Variants in ZHX3 observed in about 807,000 individuals in gnomAD.
The protein encoded by ZHX3 is zinc fingers and homeoboxes 3.
ZHX3 carries 20 observed loss-of-function variants against 64.5 expected under a neutral mutation model. The ratio of observed to expected loss-of-function variants is 0.31; its 90% CI spans 0.22 to 0.45. The LOEUF (loss-of-function observed/expected upper bound fraction) is 0.45, where lower values mean the gene tolerates loss of function less well. ZHX3 is among the 20% of genes least tolerant of loss of function. ZHX3 has a pLI of 1.00. For synonymous variants in ZHX3, 423 were observed against 461.6 expected, an observed-to-expected ratio of 0.92 and a Z score of 1.07; for missense variants, 1,041 against 1,195.8, an observed-to-expected ratio of 0.87 and a Z score of 1.91.
intron 1 of ZHX3, among the ~76,000 whole-genome samples, chr20:41,287,441 C>T (rs533864695): frequency 3.5e-4 from 54 of 152,276 alleles, no homozygotes; most frequent in Admixed American, 1.8e-3. Flanking sequence ...GGTATTCATG[C>T]TTTTGTGAAA....
intron 1 of ZHX3, among the ~76,000 whole-genome samples, chr20:41,315,718 T>C (rs1162714635): frequency 1.3e-5 from 2 of 152,120 alleles, no homozygotes; most frequent in East Asian, 1.9e-4. Flanking sequence ...AATCTAGTTA[T>C]AAGTCAAAGA....
chr20:41,213,959 C>G (rs1296754195), intron 2 of ZHX3: 1 of 152,184 alleles, frequency 6.6e-6, no homozygotes, highest in Non-Finnish European at 1.5e-5. Context: ...CCTGTAGTCT[C>G]AGCTACTCAG....
At chr20:41,307,768 G>T (rs1197677565) in intron 1 of ZHX3, among the ~76,000 whole-genome samples, 1 of 152,084 alleles carries the variant, frequency 6.6e-6, no homozygotes, top group Non-Finnish European at 1.5e-5. Context: ...TTCCCTTAAA[G>T]CAACCTCCAA....
chr20:41,238,552 T>C lies in ZHX3; in HGVS notation c.-151+30438A>G, dbSNP rs537240181. The C allele has an allele frequency of 7.6e-4, 116 of 152,340 alleles. 2 individuals carry two copies. The highest frequency in any genetic ancestry group is 2.7e-3 in the African/African-American group (114 of 41,576). 9.4% of individuals were successfully genotyped at this position (152,340 alleles called of 1,614,324 possible). A position where few individuals can be genotyped will look rare whatever the true frequency, so the allele number is the denominator to read the frequency against. ...ACAAATTTACATGATGCTTCTAACA[T>C]CTGCTCATTGTGAAAAATGCAGGAT... is the stretch of plus-strand genomic sequence containing the variant. On this transcript the variant is annotated intron_variant, in intron 2 of 3. Transcript: ENST00000683867.
chr20:41,218,720 G>A (rs1443829364), intron 2 of ZHX3, among the ~76,000 whole-genome samples: 1 of 152,132 alleles, frequency 6.6e-6, no homozygotes, highest in Non-Finnish European at 1.5e-5. Flanking sequence ...GGTTGCAATT[G>A]TCAGATTTCT....
chr20:41,221,940 G>C (rs1273846864), intron 2 of ZHX3, among the ~76,000 whole-genome samples: 2 of 152,224 alleles, frequency 1.3e-5, no homozygotes, highest in African/African-American at 4.8e-5. Context: ...AGGGGGCAGG[G>C]AGGGGATCCA....
intron 1 of ZHX3, among the ~76,000 whole-genome samples, chr20:41,307,798 T>A (rs115733811): frequency 0.014 from 2,195 of 152,254 alleles, 53 homozygotes; most frequent in African/African-American, 0.049. Flanking sequence ...GCCACCTCCA[T>A]CCACCACTAG....
chr20:41,260,737 CACT>C (rs2146563222), intron 2 of ZHX3, among the ~76,000 whole-genome samples: 1 of 152,360 alleles, frequency 6.6e-6, no homozygotes, highest in South Asian at 2.1e-4. Flanking sequence ...TCTTTCTAAG[CACT>C]ACAAGTGGTA....
Position 41,204,059 on chromosome 20 carries a change from G to A in ZHX3, c.858C>T (p.Val286=). 2 of 1,613,238 alleles carry A rather than the reference G, an allele frequency of 1.2e-6. No individual in the cohort carries two copies. Among genetic ancestry groups the A allele is most frequent in the Non-Finnish European group, 1.7e-6 (2 of 1,179,464 alleles). Residue 286 remains valine, a synonymous_variant, in exon 3 of 4, where the codon GTC becomes GTT. Transcript: ENST00000683867. The surrounding 1 kb of genome is among the most constrained non-coding windows in gnomAD (Gnocchi z 6.6). ...CCTTGGCCGTGGGCAGTGGCTGGTGGACATGGTGTTGGGCATGCACTGGGG... is the reference window on the plus strand; with the variant it reads ...CCTTGGCCGTGGGCAGTGGCTGGTGAACATGGTGTTGGGCATGCACTGGGG... ...QQPPVHAQHH[V]HQPLPTAKAL...
intron 2 of ZHX3, among the ~76,000 whole-genome samples, chr20:41,237,445 G>C (rs1433093929): frequency 6.6e-6 from 1 of 152,180 alleles, no homozygotes; most frequent in Non-Finnish European, 1.5e-5. Flanking sequence ...AAAAAATGAT[G>C]AGTTCATGTC....
At chr20:41,266,547 C>CTT (rs56086714) in intron 2 of ZHX3, among the ~76,000 whole-genome samples, 7 of 140,702 alleles carry the variant, frequency 5.0e-5, no homozygotes, top group African/African-American at 1.0e-4. Flanking sequence ...CCCAATCTTT[C>CTT]TTTTTTTTTT....
chr20:41,249,546 C>T (rs1353841346), intron 2 of ZHX3, among the ~76,000 whole-genome samples: 1 of 152,186 alleles, frequency 6.6e-6, no homozygotes, highest in Non-Finnish European at 1.5e-5. Flanking sequence ...GCCAACCAGG[C>T]CCAGGCCCAT....
intron 3 of ZHX3, among the ~76,000 whole-genome samples, chr20:41,199,873 G>A (rs1446730874): frequency 6.6e-6 from 1 of 151,938 alleles, no homozygotes; most frequent in African/African-American, 2.4e-5. Context: ...GCTAATTTTT[G>A]TATTTTTAAT....
At chr20:41,262,098 C>T (rs190698603) in intron 2 of ZHX3, among the ~76,000 whole-genome samples, 445 of 152,196 alleles carry the variant, frequency 2.9e-3, no homozygotes, top group Middle Eastern at 0.014. Context: ...GATTCTGCCC[C>T]GAAATTCCTC....
intron 1 of ZHX3, among the ~76,000 whole-genome samples, chr20:41,294,967 G>C (rs1265916628): frequency 6.6e-6 from 1 of 152,134 alleles, no homozygotes; most frequent in African/African-American, 2.4e-5. Flanking sequence ...AAAGCGCTGG[G>C]ATTATACATA....
At chr20:41,266,140 C>G (rs189549435) in intron 2 of ZHX3, among the ~76,000 whole-genome samples, 2 of 152,256 alleles carry the variant, frequency 1.3e-5, no homozygotes, top group African/African-American at 4.8e-5. Context: ...ATTGCTGAGT[C>G]AGATGGTATG....
intron 2 of ZHX3, among the ~76,000 whole-genome samples, chr20:41,267,020 G>C (rs2042895782): frequency 6.6e-6 from 1 of 150,452 alleles, no homozygotes; most frequent in South Asian, 2.1e-4. Context: ...ATTTTTTTTG[G>C]ATTTTTAGTA....
intron 1 of ZHX3, among the ~76,000 whole-genome samples, chr20:41,288,304 G>C (rs2044041499): frequency 1.3e-5 from 2 of 152,200 alleles, no homozygotes; most frequent in Non-Finnish European, 2.9e-5. Flanking sequence ...ACAGGTGTGA[G>C]CCACCGTTCC....
intron 2 of ZHX3, among the ~76,000 whole-genome samples, chr20:41,210,485 G>T (rs944938920): frequency 6.6e-6 from 1 of 152,118 alleles, no homozygotes; most frequent in African/African-American, 2.4e-5. Flanking sequence ...AAGAAAATGT[G>T]GCACATATAC....
Sources: gnomAD v4.1 joint callset for allele counts (sites outside exome capture counted in the v4.1 genomes callset) on GRCh38, gnomAD v4.1.1 for gene constraint, Gnocchi (gnomAD v3.1) non-coding constraint, MANE v1.5 for transcripts, NCBI Gene and HGNC (gene_info 2026-07-23, HGNC 2026-07-21) for gene names.